CLDN14: variants seen among roughly 807,000 people sequenced by gnomAD.
CLDN14 encodes claudin 14, also known as claudin-14.
Under a neutral mutation model 2.1 loss-of-function variants are expected in CLDN14, and 2 were observed. The observed-to-expected ratio is 0.96, with a 90% CI of 0.39 to 3.01. The LOEUF is 3.01. CLDN14 is among the 30% of genes most tolerant of loss of function. CLDN14 has a pLI of 0.09. For synonymous variants in CLDN14, 136 were observed against 154.4 expected, an observed-to-expected ratio of 0.88 and a Z score of 0.88; for missense variants, 298 against 328.0, an observed-to-expected ratio of 0.91 and a Z score of 0.71.
At chr21:36,539,498 AGAGT>A (rs891582032) in intron 1 of CLDN14, among the ~76,000 whole-genome samples, 9 of 20,532 alleles carry the variant, frequency 4.4e-4, no homozygotes, top group Non-Finnish European at 1.2e-3. Context: ...GTGTGTGTGC[AGAGT>A]GTGTGGAGTG....
intron 2 of CLDN14, among the ~76,000 whole-genome samples, chr21:36,491,213 A>G (rs1224287420): frequency 6.6e-6 from 1 of 152,198 alleles, no homozygotes; most frequent in Non-Finnish European, 1.5e-5. Context: ...TGCAGGAACT[A>G]GGATCCCCAG....
chr21:36,479,013 G>A (rs2044080461), intron 1 of CLDN14, among the ~76,000 whole-genome samples: 1 of 152,106 alleles, frequency 6.6e-6, no homozygotes, highest in Admixed American at 6.5e-5. Flanking sequence ...CTGTGTTGGA[G>A]GGCAGGGGTG....
At position 36,537,656 on chromosome 21, in the gene CLDN14, C is replaced by CT. The variant is rs71198822; in HGVS notation, c.-219-27157dup. On this transcript the variant is annotated intron_variant, in intron 1 of 2. Coordinates refer to the CLDN14 transcript ENST00000342108. ...TTTTTCTTTGTTTTTCTTTTCTTTT[C>CT]TTTTTTTTTTTGAGACGGAGTCTCG... Among the ~76,000 whole-genome samples, 770 of 143,262 alleles carry CT rather than the reference C, an allele frequency of 5.4e-3. 13 individuals are homozygous for CT. The highest frequency in any genetic ancestry group is 0.017 in the African/African-American group (687 of 39,276). 94.0% of individuals were successfully genotyped at this position (143,262 alleles called of 152,430 possible).
At chr21:36,539,583 GGAGT>G (rs1254628029) in intron 1 of CLDN14, among the ~76,000 whole-genome samples, 20 of 149,830 alleles carry the variant, frequency 1.3e-4, no homozygotes, top group Non-Finnish European at 1.2e-4. Flanking sequence ...CAGTTTGTGT[GGAGT>G]GAGTGTGTGT....
chr21:36,467,221 T>C (rs997109725), intron 1 of CLDN14, among the ~76,000 whole-genome samples: 17 of 152,202 alleles, frequency 1.1e-4, no homozygotes, highest in African/African-American at 4.1e-4. Flanking sequence ...AAAAGCAGGG[T>C]TCTGGAGCAC....
chr21:36,505,684 A>G (rs1416165285), intron 2 of CLDN14, among the ~76,000 whole-genome samples: 1 of 152,210 alleles, frequency 6.6e-6, no homozygotes, highest in African/African-American at 2.4e-5. Context: ...ACTTTGGGAC[A>G]AGAGGATCTC....
intron 2 of CLDN14, among the ~76,000 whole-genome samples, chr21:36,493,257 TG>T (rs1378229426): frequency 6.6e-6 from 1 of 151,996 alleles, no homozygotes; most frequent in Admixed American, 6.6e-5. Context: ...ACCCCACAGT[TG>T]GGGGTGTCAC....
chr21:36,558,591 G>A (rs1465655387), intron 1 of CLDN14, among the ~76,000 whole-genome samples: 1 of 152,136 alleles, frequency 6.6e-6, no homozygotes, highest in Admixed American at 6.5e-5. Flanking sequence ...TGTAGGCAGA[G>A]CAGCCTATTA....
At chr21:36,479,266 A>G (rs1398843411) in intron 1 of CLDN14, among the ~76,000 whole-genome samples, 2 of 152,096 alleles carry the variant, frequency 1.3e-5, no homozygotes, top group East Asian at 3.9e-4. Context: ...TTCCTGGCTC[A>G]TTAGGAGCCT....
At chr21:36,486,815 G>T in intron 2 of CLDN14, 1 of 742,440 alleles carries the variant, frequency 1.3e-6, no homozygotes, top group East Asian at 2.7e-5. Context: ...TTCAGAGCCA[G>T]ATGGGCCATG....
intron 1 of CLDN14, among the ~76,000 whole-genome samples, chr21:36,520,279 A>G (rs1033431072): frequency 2.6e-5 from 4 of 152,208 alleles, no homozygotes; most frequent in Admixed American, 1.3e-4. Flanking sequence ...GTGTGACCTC[A>G]TCTTAACTTG....
intron 2 of CLDN14, among the ~76,000 whole-genome samples, chr21:36,503,504 TC>T (rs1165008292): frequency 6.6e-6 from 1 of 152,178 alleles, no homozygotes; most frequent in Admixed American, 6.5e-5. Context: ...AATGGGAGTT[TC>T]CCTCACAAGC....
At chr21:36,493,681 T>C (rs567707575) in intron 2 of CLDN14, among the ~76,000 whole-genome samples, 7 of 152,110 alleles carry the variant, frequency 4.6e-5, no homozygotes, top group East Asian at 1.9e-4. Flanking sequence ...ACAGCTAACA[T>C]TGTGGAGCGG....
rs1370222876 is a variant in CLDN14, at chr21:36,499,944, C to T, written c.-82+10419G>A. 1.3e-5 allele frequency among the ~76,000 whole-genome samples: 2 copies of T among 152,140 alleles called. No individual in the cohort carries two copies. The highest frequency in any genetic ancestry group is 2.9e-5 in the Non-Finnish European group (2 of 68,022). ...GAGCAGTACTGGGCCCAGAAGCCTG[C>T]CCCAGCCGCGCACACAGAGTCTACC... On this transcript the variant is annotated intron_variant, in intron 2 of 2. Coordinates refer to the CLDN14 transcript ENST00000342108. This position sits in a 1 kb window ranked among gnomAD's most constrained non-coding sequence, Gnocchi z 4.7.
Position 36,544,782 on chromosome 21 carries a change from A to C in CLDN14, c.-220+31629T>G, listed in dbSNP as rs2146513341. Reference sequence around the variant, plus strand: ...AATATGATGACAGGGGCAAGACTGCAAGGACATCCGCGAAGTAAGACATGT... The same window carrying C: ...AATATGATGACAGGGGCAAGACTGCCAGGACATCCGCGAAGTAAGACATGT... On this transcript the variant is annotated intron_variant, in intron 1 of 2. Coordinates refer to the CLDN14 transcript ENST00000342108. The surrounding 1 kb of genome is among the most constrained non-coding windows in gnomAD (Gnocchi z 4.1). Among the ~76,000 whole-genome samples, 1 of 152,352 alleles carries C rather than the reference A, an allele frequency of 6.6e-6. No homozygotes were observed. Among genetic ancestry groups the C allele is most frequent in the South Asian group, 2.1e-4 (1 of 4,826 alleles).
At chr21:36,575,163 T>C (rs2087732947) in intron 1 of CLDN14, among the ~76,000 whole-genome samples, 4 of 152,218 alleles carry the variant, frequency 2.6e-5, no homozygotes, top group African/African-American at 7.2e-5. Context: ...TCATGCTGTT[T>C]GCTGTCTCAT....
chr21:36,494,664 A>G (rs1469017575), intron 2 of CLDN14, among the ~76,000 whole-genome samples: 1 of 152,174 alleles, frequency 6.6e-6, no homozygotes, highest in African/African-American at 2.4e-5. Context: ...AGGGGAGACG[A>G]GTTCACAGGC....
intron 1 of CLDN14, among the ~76,000 whole-genome samples, chr21:36,569,234 G>A (rs962158447): frequency 1.3e-5 from 2 of 152,260 alleles, no homozygotes; most frequent in East Asian, 3.9e-4. Flanking sequence ...TGCCCAATAT[G>A]GTGAAACCCC....
rs75840464 is a variant in CLDN14 at position 36,477,180 on chromosome 21, C to T, written c.-82+2315G>A. On this transcript the variant is annotated intron_variant, in intron 1 of 1. Coordinates refer to ENST00000399135, the MANE Select transcript of CLDN14 (RefSeq NM_001146079.2). The stretch of plus-strand genomic sequence containing the variant: ...AGCCAAGTGCAAGCCTGTCTGAGCA[C>T]GGGGCTCCCTGTAACTGCACAGATC... 9.4e-3 allele frequency among the ~76,000 whole-genome samples: 1,425 copies of T among 152,300 alleles called. 29 individuals carry two copies. Among genetic ancestry groups the T allele is most frequent in the African/African-American group, 0.032 (1,327 of 41,562 alleles).
Sources: gnomAD v4.1 joint callset for allele counts (sites outside exome capture counted in the v4.1 genomes callset) on GRCh38, gnomAD v4.1.1 for gene constraint, Gnocchi (gnomAD v3.1) non-coding constraint, MANE v1.5 for transcripts, NCBI Gene and HGNC (gene_info 2026-07-23, HGNC 2026-07-21) for gene names.